The following FNBP4 variants were observed in gnomAD, a reference collection of about 807,000 sequenced individuals.
FNBP4 encodes the protein formin-binding protein 4.
In FNBP4, 34 loss-of-function variants were observed where a neutral mutation model predicts 119.3. The observed-to-expected ratio is 0.28, with a 90% confidence interval of 0.22 to 0.38. The LOEUF is 0.38. Ranked by LOEUF, FNBP4 falls within the 10% of genes least tolerant of loss-of-function variation. The pLI is 1.00. For missense variants in FNBP4, 1,112 were observed against 1,228.9 expected, an observed-to-expected ratio of 0.90 and a Z score of 1.42; for synonymous variants, 462 against 430.6, an observed-to-expected ratio of 1.07 and a Z score of -0.90.
chr11:47,724,053 G>A lies in FNBP4; in HGVS notation c.2439C>T (p.Leu813=), dbSNP rs756905405. ...CTGTAGCTATAGCTGACTGGCTATA[G>A]AGAACTGGAGAACTGCCAATGGTAG... ...RSATIGSSPV[L]YSQSAIATGH... is the part of the protein sequence containing the mutation. The change falls in exon 14 of 17, where the codon CTC becomes CTT. Residue 813 remains leucine (L), a synonymous_variant. Coordinates refer to ENST00000263773, the MANE Select transcript of FNBP4 (RefSeq NM_015308.5). 2 of 1,614,188 alleles carry A rather than the reference G, an allele frequency of 1.2e-6. No homozygotes were observed. The highest frequency in any genetic ancestry group is 2.7e-5 in the African/African-American group (2 of 75,066).
intron 12 of FNBP4, 127 bp from the exon 13 acceptor site, chr11:47,724,905 C>G (rs920730459): frequency 1.1e-4 from 153 of 1,347,674 alleles, no homozygotes; most frequent in Non-Finnish European, 1.5e-4. Context: ...CAAAACAATA[C>G]AGAATGTGGT....
At chr11:47,724,230 C>G in intron 13 of FNBP4, 58 bp from the exon 14 acceptor site, 1 of 1,589,918 alleles carries the variant, frequency 6.3e-7, no homozygotes, top group Non-Finnish European at 8.6e-7. Flanking sequence ...ATAGCCCGCT[C>G]CCACCTCCTT....
chr11:47,726,001 C>T (rs2097560525), intron 12 of FNBP4: 1 of 153,208 alleles, frequency 6.5e-6, no homozygotes, highest in South Asian at 2.1e-4. Context: ...TCATCTGATA[C>T]TTGCTGTTTT....
chr11:47,751,214 T>G lies in FNBP4; in HGVS notation c.714A>C (p.Thr238=), dbSNP rs756686495. 20 of 1,614,168 alleles carry G rather than the reference T, an allele frequency of 1.2e-5. No homozygotes were observed. The highest frequency in any genetic ancestry group is 1.6e-5 in the Non-Finnish European group (19 of 1,180,034). ...TGCYYYWNTQ[T]NEVTWELPQY... ...GGGGTAACTCCCAAGTCACTTCATT[T>G]GTTTGTGTATTCCAATAATAATAAC... Residue 238 remains threonine, a synonymous_variant, in exon 5 of 17, where the codon ACA becomes ACC. Coordinates refer to ENST00000263773, the MANE Select transcript of FNBP4 (RefSeq NM_015308.5).
At chr11:47,745,856 C>T (rs369424391) in intron 7 of FNBP4, among the ~76,000 whole-genome samples, 200 bp downstream of exon 7, 37 of 152,134 alleles carry the variant, frequency 2.4e-4, no homozygotes, top group South Asian at 8.3e-4. Context: ...TGAGTTCCCC[C>T]GATAACTACC....
intron 3 of FNBP4, among the ~76,000 whole-genome samples, chr11:47,753,578 T>TC (rs1320726094): frequency 1.3e-5 from 2 of 151,676 alleles, no homozygotes; most frequent in African/African-American, 4.8e-5. Context: ...GCTACTGCAT[T>TC]CCAACCTGGG....
At chr11:47,756,990 T>G (rs1426166601) in intron 2 of FNBP4, among the ~76,000 whole-genome samples, 1 of 152,184 alleles carries the variant, frequency 6.6e-6, no homozygotes, top group African/African-American at 2.4e-5. Context: ...TTGTGAATAG[T>G]GCTGCAGTAA....
intron 2 of FNBP4, among the ~76,000 whole-genome samples, chr11:47,757,487 T>C (rs7112187): frequency 1 from 151,422 of 151,964 alleles, 75,442 homozygotes; most frequent in Middle Eastern, 1. Flanking sequence ...GCTGGGATTA[T>C]AGGCGTGAGC....
In FNBP4 at chr11:47,752,799, G is replaced by T. The variant is rs1053413418; in HGVS notation, c.637+117C>A. 14 of 972,282 alleles carry T rather than the reference G, an allele frequency of 1.4e-5. No homozygotes were observed. In the African/African-American group the frequency reaches 2.2e-4, roughly 15 times the overall value. The allele number at this position is 972,282 out of a possible 1,614,324, so 60.2% of individuals were successfully genotyped here. A position where few individuals can be genotyped will look rare whatever the true frequency, so the allele number is the denominator to read the frequency against. Reference sequence around the variant, plus strand: ...AGTGCACTCCAGCCTGGGCGACAGAGCGAGATTCCATCTCAAAACAAACAA... The same window carrying T: ...AGTGCACTCCAGCCTGGGCGACAGATCGAGATTCCATCTCAAAACAAACAA... On this transcript the variant is annotated intron_variant, in intron 4 of 16. Coordinates refer to ENST00000263773, the MANE Select transcript of FNBP4 (RefSeq NM_015308.5).
intron 2 of FNBP4, among the ~76,000 whole-genome samples, chr11:47,759,755 T>C (rs981389699): frequency 5.9e-5 from 9 of 151,736 alleles, no homozygotes; most frequent in South Asian, 2.1e-4. Context: ...GAGTTCAAGA[T>C]TGGCTGGCCA....
intron 2 of FNBP4, 31 bp from the exon 3 acceptor site, chr11:47,754,695 A>T (rs371203386): frequency 6.8e-6 from 11 of 1,608,034 alleles, no homozygotes; most frequent in Non-Finnish European, 7.6e-6. Flanking sequence ...AGTATTTGTA[A>T]CAACAATGTC....
rs146030990 is a variant in FNBP4, at chr11:47,748,748, C to T, written c.906+2168G>A. On this transcript the variant is annotated intron_variant, in intron 6 of 16. Coordinates refer to ENST00000263773, the MANE Select transcript of FNBP4 (RefSeq NM_015308.5). ...CATTGCAACCTCTGCCTCCCAGATTCAAGCGATTCTCCTGCCTCAGACCCC... is the reference window on the plus strand; with the variant it reads ...CATTGCAACCTCTGCCTCCCAGATTTAAGCGATTCTCCTGCCTCAGACCCC... Among the ~76,000 whole-genome samples, 909 of 152,020 alleles carry T rather than the reference C, an allele frequency of 6.0e-3. 9 individuals carry two copies. Among genetic ancestry groups the T allele is most frequent in the African/African-American group, 0.021 (880 of 41,460 alleles).
In FNBP4 at chr11:47,754,578, T is replaced by C. The variant is rs755118961; in HGVS notation, c.400A>G (p.Asn134Asp). ...TCAATATCAGTTGACTGGTTTCCAT[T>C]TGTCTCTTTGGATTGTGCTAGTTTT... ...SEKLAQSKET[N>D]GNQSTDIDST... Residue 134 changes from asparagine (N) to aspartate (D), a missense_variant, in exon 3 of 17, where the codon AAT becomes GAT. By Grantham distance (23) the Asn-to-Asp change is conservative. Coordinates refer to ENST00000263773, the MANE Select transcript of FNBP4 (RefSeq NM_015308.5). 3 of 1,614,156 alleles carry C rather than the reference T, an allele frequency of 1.9e-6. No homozygotes were observed. The Admixed American group carries it at 5.0e-5, about 27-fold the overall frequency.
intron 9 of FNBP4, among the ~76,000 whole-genome samples, chr11:47,735,094 G>T (rs1230451733): frequency 6.7e-6 from 1 of 148,396 alleles, no homozygotes; most frequent in African/African-American, 2.5e-5. Context: ...ACAAACACAA[G>T]ACAACTCTCC....
chr11:47,719,669 G>A (rs1325902832), intron 16 of FNBP4, among the ~76,000 whole-genome samples: 2 of 151,464 alleles, frequency 1.3e-5, no homozygotes, highest in Non-Finnish European at 2.9e-5. Context: ...AGTTAAGACA[G>A]GCCTTTGCCT....
intron 2 of FNBP4, among the ~76,000 whole-genome samples, chr11:47,761,540 CAA>C (rs1178433749): frequency 6.6e-6 from 1 of 151,798 alleles, no homozygotes; most frequent in Non-Finnish European, 1.5e-5. Flanking sequence ...TGCAGTGAGC[CAA>C]GATCACACCA....
intron 2 of FNBP4, among the ~76,000 whole-genome samples, chr11:47,762,330 T>G (rs1028866533): frequency 1.3e-5 from 2 of 151,964 alleles, no homozygotes; most frequent in Non-Finnish European, 2.9e-5. Flanking sequence ...GGTTTCACTA[T>G]GTTGGCCAGG....
intron 16 of FNBP4, 108 bp downstream of exon 16, chr11:47,719,821 G>A: frequency 1.8e-6 from 2 of 1,138,322 alleles, no homozygotes; most frequent in Non-Finnish European, 1.2e-6. Context: ...GTGATTTTAA[G>A]AATATGTCTA....
At position 47,765,302 on chromosome 11, in the gene FNBP4, A is replaced by T. The variant is rs1269761419; in HGVS notation, c.281T>A (p.Met94Lys). Residue 94 changes from methionine to lysine, a missense_variant, in exon 2 of 17, where the codon ATG becomes AAG. By Grantham distance (95) the Met-to-Lys change is moderately conservative. Around this residue, in one of 2 missense-constraint regions of FNBP4, gnomAD observed 286 missense variants for 240.1 expected, o/e 1.19. Transcript: ENST00000263773. ...TTTAACAGCTGTGGGTCTAGTGGTC[A>T]TGACTGGTTTTGGAGGATTCTGAAC... is the stretch of plus-strand genomic sequence containing the variant. ...RVVQNPPKPV[M>K]TTRPTAVKAT... 1 of 1,612,666 alleles carries T rather than the reference A, an allele frequency of 6.2e-7. No homozygotes were observed. Among genetic ancestry groups the T allele is most frequent in the Non-Finnish European group, 8.5e-7 (1 of 1,179,656 alleles).
Sources: allele counts gnomAD v4.1 joint callset (sites outside exome capture counted in the v4.1 genomes callset), GRCh38; gene constraint gnomAD v4.1.1; regional missense constraint gnomAD v4.1.1; transcripts MANE v1.5; gene names NCBI Gene and HGNC (gene_info 2026-07-23, HGNC 2026-07-21).